The following PAQR8 variants were observed in gnomAD, a reference collection of about 807,000 sequenced individuals.
The protein encoded by PAQR8 is membrane progestin receptor beta.
A neutral mutation model predicts 25.2 loss-of-function variants in PAQR8; 17 were observed. The ratio of observed to expected loss-of-function variants is 0.67; its 90% CI spans 0.46 to 1.01. The LOEUF (loss-of-function observed/expected upper bound fraction) is 1.01. PAQR8 is among the 50% of genes least tolerant of loss of function. The pLI, the probability that PAQR8 is intolerant of heterozygous loss-of-function variation, is 0.00. For missense variants in PAQR8, 392 were observed against 448.4 expected, an observed-to-expected ratio of 0.87 and a Z score of 1.14; for synonymous variants, 204 against 190.6, an observed-to-expected ratio of 1.07 and a Z score of -0.58.
chr6:52,387,904 A>G (rs1231149105), intron 1 of PAQR8, among the ~76,000 whole-genome samples: 2 of 152,262 alleles, frequency 1.3e-5, no homozygotes, highest in African/African-American at 4.8e-5. Flanking sequence ...TGTGAACTGC[A>G]CATGCAAAGG....
At chr6:52,380,402 C>T (rs960855745) in intron 1 of PAQR8, among the ~76,000 whole-genome samples, 1 of 152,202 alleles carries the variant, frequency 6.6e-6, no homozygotes, top group African/African-American at 2.4e-5. Flanking sequence ...GACATTTCAA[C>T]TCATTTGGAA....
chr6:52,388,537 A>G (rs1015901691), intron 1 of PAQR8, among the ~76,000 whole-genome samples: 34 of 152,112 alleles, frequency 2.2e-4, no homozygotes, highest in African/African-American at 7.7e-4. Context: ...GCCTAGATGA[A>G]TGGTATTACT....
Position 52,398,232 on chromosome 6 carries a change from G to C in PAQR8, c.-52-4930G>C, listed in dbSNP as rs987553529. 5.9e-5 allele frequency among the ~76,000 whole-genome samples: 8 copies of C among 135,704 alleles called. No homozygotes were observed. In the East Asian group the frequency reaches 1.6e-3, roughly 27 times the overall value. The allele number at this position is 135,704 out of a possible 152,430, so 89.0% of individuals were successfully genotyped here. On this transcript the variant is annotated intron_variant, in intron 1 of 1. Coordinates refer to ENST00000442253, the MANE Select transcript of PAQR8 (RefSeq NM_133367.5). Reference sequence around the variant, plus strand: ...TTTTTTTTTTTTTTTTTGAGGCAGAGTTTCACTCTTGTTGCCCACGCTGGA... The same window carrying C: ...TTTTTTTTTTTTTTTTTGAGGCAGACTTTCACTCTTGTTGCCCACGCTGGA...
At chr6:52,372,837 A>G (rs530909024) in intron 1 of PAQR8, among the ~76,000 whole-genome samples, 1 of 152,106 alleles carries the variant, frequency 6.6e-6, no homozygotes, top group East Asian at 1.9e-4. Context: ...TGTGTTTCCA[A>G]AAGGTAAGGA....
At chr6:52,367,342 T>G (rs1763365941) in intron 1 of PAQR8, among the ~76,000 whole-genome samples, 3 of 152,180 alleles carry the variant, frequency 2.0e-5, no homozygotes, top group Admixed American at 2.0e-4. Context: ...CACCACCATT[T>G]CTTAACTGTG....
At chr6:52,385,210 G>A (rs1400375401) in intron 1 of PAQR8, among the ~76,000 whole-genome samples, 1 of 152,066 alleles carries the variant, frequency 6.6e-6, no homozygotes, top group Admixed American at 6.5e-5. Context: ...GGTTTTATTA[G>A]GGGAAACCCC....
rs750045143 is a variant in PAQR8 at position 52,403,819 on chromosome 6, G to A, written c.606G>A (p.Arg202=). The A allele has an allele frequency of 1.2e-6, 2 of 1,614,116 alleles. No homozygotes were observed. The highest frequency in any genetic ancestry group is 1.3e-5 in the African/African-American group (1 of 74,938). Residue 202 remains arginine, a synonymous_variant, in exon 2 of 2, where the codon CGG becomes CGA. Coordinates refer to ENST00000442253, the MANE Select transcript of PAQR8 (RefSeq NM_133367.5). The part of the protein sequence containing the change: ...AGCCYAKYRY[R]RPYPVMRKIC... The stretch of plus-strand genomic sequence containing the variant: ...GTTGCTATGCCAAATATCGTTACCG[G>A]AGGCCTTATCCAGTCATGAGGAAGA...
rs1485007788 is a variant in PAQR8, at chr6:52,403,573, C to T, written c.360C>T (p.Ile120=). The change falls in exon 2 of 2, where the codon ATC becomes ATT. Residue 120 remains isoleucine (I), a synonymous_variant. Transcript: ENST00000442253. The part of the protein sequence containing the change: ...LPLLLFILSS[I]TYLTCSLLAH... ...TGCTCCTCTTCATCCTGTCGTCAATCACTTACCTCACCTGCAGCCTTCTGG... is the reference window on the plus strand; with the variant it reads ...TGCTCCTCTTCATCCTGTCGTCAATTACTTACCTCACCTGCAGCCTTCTGG... The T allele has an allele frequency of 1.2e-6, 2 of 1,614,150 alleles. No homozygotes were observed. Among genetic ancestry groups the T allele is most frequent in the South Asian group, 2.2e-5 (2 of 91,086 alleles).
chr6:52,402,566 G>A (rs528840155), intron 1 of PAQR8, among the ~76,000 whole-genome samples: 9 of 147,306 alleles, frequency 6.1e-5, no homozygotes, highest in South Asian at 2.1e-4. Context: ...GTGGTGAGCC[G>A]AGATGGTACC....
chr6:52,402,296 G>A (rs1193253747), intron 1 of PAQR8, among the ~76,000 whole-genome samples: 3 of 151,758 alleles, frequency 2.0e-5, no homozygotes, highest in African/African-American at 7.3e-5. Context: ...CCCGGGAGAC[G>A]GAAGTTGCAG....
At chr6:52,383,197 A>C (rs1401906982) in intron 1 of PAQR8, among the ~76,000 whole-genome samples, 2 of 152,272 alleles carry the variant, frequency 1.3e-5, no homozygotes, top group Non-Finnish European at 2.9e-5. Flanking sequence ...ACATCACGTT[A>C]ACGTGATAAA....
At chr6:52,379,096 C>CAAAAAAA (rs70977347) in intron 1 of PAQR8, among the ~76,000 whole-genome samples, 3 of 93,000 alleles carry the variant, frequency 3.2e-5, no homozygotes, top group Non-Finnish European at 4.3e-5. Flanking sequence ...TACTCTTTAT[C>CAAAAAAA]AAAAAAAAAA....
intron 1 of PAQR8, among the ~76,000 whole-genome samples, chr6:52,390,072 A>G (rs549975723): frequency 4.6e-5 from 7 of 152,248 alleles, no homozygotes; most frequent in Non-Finnish European, 8.8e-5. Context: ...AAGCCTCAGA[A>G]GAACATGATC....
At chr6:52,367,875 G>A (rs1169712392) in intron 1 of PAQR8, among the ~76,000 whole-genome samples, 1 of 152,158 alleles carries the variant, frequency 6.6e-6, no homozygotes, top group Non-Finnish European at 1.5e-5. Flanking sequence ...GTCTAGACAT[G>A]ACCAGAGAGT....
intron 1 of PAQR8, among the ~76,000 whole-genome samples, chr6:52,399,989 GA>G (rs1763811856): frequency 6.6e-6 from 1 of 152,228 alleles, no homozygotes; most frequent in African/African-American, 2.4e-5. Flanking sequence ...GCTGATAGCA[GA>G]AGCACCACTT....
chr6:52,369,540 A>C (rs953783121), intron 1 of PAQR8, among the ~76,000 whole-genome samples: 1 of 152,252 alleles, frequency 6.6e-6, no homozygotes, highest in African/African-American at 2.4e-5. Flanking sequence ...AAAAGGTTCA[A>C]AATAAATCCG....
intron 1 of PAQR8, among the ~76,000 whole-genome samples, chr6:52,402,540 C>T (rs1562434799): frequency 2.0e-5 from 3 of 150,626 alleles, no homozygotes; most frequent in Middle Eastern, 3.4e-3. Flanking sequence ...TTGCTTGAAC[C>T]CGGGAGGCGG....
chr6:52,372,657 A>T (rs1236799422), intron 1 of PAQR8, among the ~76,000 whole-genome samples: 10 of 151,910 alleles, frequency 6.6e-5, no homozygotes, highest in Admixed American at 6.6e-4. Flanking sequence ...AAACAGGCAG[A>T]GGTAGACAAT....
intron 1 of PAQR8, among the ~76,000 whole-genome samples, chr6:52,366,607 T>A (rs1763356411): frequency 6.6e-6 from 1 of 152,198 alleles, no homozygotes; most frequent in Admixed American, 6.5e-5. Context: ...AATTACAAAG[T>A]ATATCTGCAG....
Sources: allele counts gnomAD v4.1 joint callset (sites outside exome capture counted in the v4.1 genomes callset), GRCh38; gene constraint gnomAD v4.1.1; transcripts MANE v1.5; gene names NCBI Gene and HGNC (gene_info 2026-07-23, HGNC 2026-07-21).